DMD: variants seen among roughly 807,000 people sequenced by gnomAD.
DMD encodes the protein dystrophin, also known as mutant dystrophin.
In DMD, 63 loss-of-function variants were observed where a neutral mutation model predicts 330.1. The observed-to-expected ratio is 0.19, with a 90% CI of 0.16 to 0.24. The LOEUF (loss-of-function observed/expected upper bound fraction) is 0.24. Ranked by LOEUF, DMD falls within the 10% of genes least tolerant of loss-of-function variation. DMD has a pLI of 1.00. For synonymous variants in DMD, 1,223 were observed against 959.8 expected (o/e 1.27, Z -5.07); for missense variants, 3,344 against 2,684.1 (o/e 1.25, Z -5.43).
At chrX:32,401,636 G>C (rs767824802) in intron 30 of DMD, among the ~76,000 whole-genome samples, 1 of 111,550 alleles carries the variant, frequency 9.0e-6, no homozygotes, top group African/African-American at 3.3e-5. Flanking sequence ...TAATGAGCAA[G>C]ACCTAGTATT....
chrX:33,073,832 C>CAAATAAAT (rs5902051), intron 1 of DMD, among the ~76,000 whole-genome samples: 1,030 of 99,285 alleles, frequency 0.01, 16 homozygotes, highest in Middle Eastern at 0.017. Context: ...AACTCTGTCT[C>CAAATAAAT]AAATAAATAA....
chrX:32,510,029 A>C (rs1389740365), intron 18 of DMD, among the ~76,000 whole-genome samples: 1 of 111,650 alleles, frequency 9.0e-6, no homozygotes, highest in Non-Finnish European at 1.9e-5. Flanking sequence ...TGAATGTTTC[A>C]AAATAGGATA....
chrX:32,059,932 C>A (rs1043539044), intron 44 of DMD, among the ~76,000 whole-genome samples: 1 of 111,325 alleles, frequency 9.0e-6, no homozygotes, highest in Admixed American at 9.6e-5. Flanking sequence ...ATAAAGATCT[C>A]TTGATTGTGT....
intron 63 of DMD, among the ~76,000 whole-genome samples, chrX:31,248,402 A>G (rs1289535419): frequency 2.7e-5 from 3 of 112,098 alleles, no homozygotes; most frequent in Non-Finnish European, 5.6e-5. Flanking sequence ...GCTTATCCTT[A>G]GTGTTTGGAC....
chrX:32,585,689 G>C (rs1239680842), intron 13 of DMD, among the ~76,000 whole-genome samples: 1 of 48,766 alleles, frequency 2.1e-5, no homozygotes, highest in Non-Finnish European at 3.8e-5. Context: ...GACAGAGCAG[G>C]ACTCCGTCTC....
intron 76 of DMD, among the ~76,000 whole-genome samples, chrX:31,143,755 G>A (rs1019414770): frequency 1.8e-5 from 2 of 111,309 alleles, no homozygotes; most frequent in African/African-American, 3.3e-5. Context: ...CATTGTCAAC[G>A]ACCTAAATAA....
chrX:31,521,161 C>CTT (rs751038046), intron 55 of DMD, among the ~76,000 whole-genome samples: 14,163 of 100,223 alleles, frequency 0.14, 926 homozygotes, highest in Middle Eastern at 0.24. Context: ...ATGAGAATGA[C>CTT]TTTTTTTTTT....
At chrX:32,695,022 G>T (rs1348597788) in intron 9 of DMD, among the ~76,000 whole-genome samples, 1 of 111,934 alleles carries the variant, frequency 8.9e-6, no homozygotes, top group African/African-American at 3.3e-5. Context: ...AATAAAATTA[G>T]AATACTTTCA....
At chrX:31,214,358 A>C (rs1018099821) in intron 64 of DMD, among the ~76,000 whole-genome samples, 5 of 112,299 alleles carry the variant, frequency 4.5e-5, no homozygotes, top group African/African-American at 1.6e-4. Context: ...GTTGGTACTT[A>C]AGCACAAGCA....
chrX:33,113,469 G>C, intron 1 of DMD, among the ~76,000 whole-genome samples: 1 of 111,864 alleles, frequency 8.9e-6, no homozygotes, highest in Non-Finnish European at 1.9e-5. Flanking sequence ...GAATGAAGTT[G>C]GTCTCCCAAT....
intron 2 of DMD, among the ~76,000 whole-genome samples, chrX:32,899,622 C>T (rs2086046179): frequency 9.9e-6 from 1 of 100,795 alleles, no homozygotes; most frequent in Non-Finnish European, 2.0e-5. Context: ...TGCAGTGAGC[C>T]GAGATCGCGT....
chrX:32,194,905 A>G (rs748223278), intron 44 of DMD, among the ~76,000 whole-genome samples: 1 of 111,740 alleles, frequency 8.9e-6, no homozygotes, highest in South Asian at 3.8e-4. Context: ...GAGGGCCTTA[A>G]GCACAGAAAT....
intron 1 of DMD, among the ~76,000 whole-genome samples, chrX:33,304,439 GT>G (rs2053720501): frequency 9.0e-6 from 1 of 110,589 alleles, no homozygotes; most frequent in Non-Finnish European, 1.9e-5. Context: ...AGACTTAAAC[GT>G]TAGACCTAAA....
intron 7 of DMD, among the ~76,000 whole-genome samples, chrX:32,726,335 A>G (rs938531359): frequency 2.4e-4 from 27 of 111,505 alleles, no homozygotes; most frequent in African/African-American, 8.8e-4. Context: ...ATAGTATTTT[A>G]AAAACACACA....
At chrX:33,294,914 C>T (rs1330917007) in intron 1 of DMD, among the ~76,000 whole-genome samples, 2 of 110,984 alleles carry the variant, frequency 1.8e-5, no homozygotes, top group African/African-American at 6.5e-5. Flanking sequence ...TTTCAACTCA[C>T]AAATATTCAC....
Position 31,182,751 on chromosome X carries a change from T to C in DMD, c.9961A>G (p.Ile3321Val). 1 of 1,209,477 alleles carries C rather than the reference T, an allele frequency of 8.3e-7. No individual in the cohort carries two copies. Among genetic ancestry groups the C allele is most frequent in the Non-Finnish European group, 1.1e-6 (1 of 894,438 alleles). ...GGTTCCTAATACCTGAATCCAATGATTGGACACTCTTTGCAGATGTTACAT... is the reference window on the plus strand; with the variant it reads ...GGTTCCTAATACCTGAATCCAATGACTGGACACTCTTTGCAGATGTTACAT... ...AKCNICKECP[I>V]IGFRYRSLKH... Residue 3321 changes from isoleucine (I) to valine (V), a missense_variant, in exon 68 of 79, where the codon ATC becomes GTC. Physicochemically the swap from Ile to Val is conservative, Grantham distance 29. Transcript: ENST00000357033.
At chrX:32,916,723 T>C (rs946057089) in intron 2 of DMD, among the ~76,000 whole-genome samples, 3 of 111,704 alleles carry the variant, frequency 2.7e-5, no homozygotes, top group Admixed American at 1.9e-4. Context: ...CCAGTAATAT[T>C]GGACATGTGA....
In DMD at chrX:32,674,965, T is replaced by A. The variant is rs748241899; in HGVS notation, c.960+22905A>T. ...ATACAGGATATAATAGACTTTAATG[T>A]TCTTCATCAACTTAATAAATCCTTA... On this transcript the variant is annotated intron_variant, in intron 9 of 78. Transcript: ENST00000357033. Among the ~76,000 whole-genome samples the A allele has an allele frequency of 2.7e-5, 3 of 111,782 alleles. No individual in the cohort carries two copies. The Admixed American group carries it at 2.9e-4, about 11-fold the overall frequency.
intron 9 of DMD, among the ~76,000 whole-genome samples, chrX:32,693,833 A>C (rs2147514406): frequency 9.0e-6 from 1 of 111,702 alleles, no homozygotes; most frequent in East Asian, 2.8e-4. Flanking sequence ...ACCTCCAAAT[A>C]CACACACATG....
Sources: allele counts gnomAD v4.1 joint callset (sites outside exome capture counted in the v4.1 genomes callset), GRCh38; gene constraint gnomAD v4.1.1; transcripts MANE v1.5; gene names NCBI Gene and HGNC (gene_info 2026-07-23, HGNC 2026-07-21).